Variants in HS6ST3 observed in about 807,000 individuals in gnomAD.
The protein encoded by HS6ST3 is heparan-sulfate 6-O-sulfotransferase 3.
A neutral mutation model predicts 36.7 loss-of-function variants in HS6ST3; 12 were observed. That is an observed-to-expected ratio of 0.33 (90% CI 0.21 to 0.53). HS6ST3 has a LOEUF of 0.53. Among genes scored for constraint, HS6ST3 ranks in the 20% least tolerant of loss-of-function variants. HS6ST3 has a pLI of 0.95. For missense variants in HS6ST3, 584 were observed against 640.9 expected (o/e 0.91, Z 0.96); for synonymous variants, 240 against 257.5 (o/e 0.93, Z 0.65).
At chr13:96,292,466 AG>A (rs2054834891) in intron 1 of HS6ST3, among the ~76,000 whole-genome samples, 1 of 152,126 alleles carries the variant, frequency 6.6e-6, no homozygotes, top group Non-Finnish European at 1.5e-5. Flanking sequence ...TTAAATTAAA[AG>A]TACTTTATTA....
intron 1 of HS6ST3, among the ~76,000 whole-genome samples, chr13:96,488,100 C>T (rs1227543297): frequency 1.3e-5 from 2 of 152,106 alleles, no homozygotes; most frequent in South Asian, 2.1e-4. Context: ...TATTGTTAAC[C>T]TGTGCCTTAG....
At chr13:96,357,215 AC>A (rs757952663) in intron 1 of HS6ST3, among the ~76,000 whole-genome samples, 19 of 152,128 alleles carry the variant, frequency 1.2e-4, no homozygotes, top group Non-Finnish European at 1.9e-4. Flanking sequence ...AAACTGTTTC[AC>A]CTTTTTGTCA....
At chr13:96,442,701 GAGA>G (rs2055678684) in intron 1 of HS6ST3, among the ~76,000 whole-genome samples, 1 of 150,844 alleles carries the variant, frequency 6.6e-6, no homozygotes, top group Non-Finnish European at 1.5e-5. Flanking sequence ...CCAGATGGGA[GAGA>G]AGAAGAGAAG....
intron 1 of HS6ST3, among the ~76,000 whole-genome samples, chr13:96,330,961 C>T (rs2055062933): frequency 6.6e-6 from 1 of 151,930 alleles, no homozygotes; most frequent in African/African-American, 2.4e-5. Flanking sequence ...ACCCTTTCTT[C>T]CAGTTGATCG....
chr13:96,763,795 C>G (rs535085301), intron 1 of HS6ST3, among the ~76,000 whole-genome samples: 1 of 151,890 alleles, frequency 6.6e-6, no homozygotes, highest in African/African-American at 2.4e-5. Context: ...TATAATAAGT[C>G]CTATATGAAA....
At chr13:96,431,286 A>C (rs1408232525) in intron 1 of HS6ST3, among the ~76,000 whole-genome samples, 2 of 152,056 alleles carry the variant, frequency 1.3e-5, no homozygotes, top group African/African-American at 2.4e-5. Flanking sequence ...CAAACAGAAA[A>C]AGGAAATTAA....
intron 1 of HS6ST3, among the ~76,000 whole-genome samples, chr13:96,124,024 GT>G (rs1364323472): frequency 1.3e-5 from 2 of 152,180 alleles, no homozygotes; most frequent in Non-Finnish European, 2.9e-5. Flanking sequence ...TGCATGGGCA[GT>G]TTAGGAGGTT....
chr13:96,705,420 T>C (rs760161425), intron 1 of HS6ST3, among the ~76,000 whole-genome samples: 2 of 152,184 alleles, frequency 1.3e-5, no homozygotes, highest in Non-Finnish European at 2.9e-5. Context: ...CTCCAGGTGA[T>C]AATATTCATG....
chr13:96,745,456 T>C (rs1399071270), intron 1 of HS6ST3, among the ~76,000 whole-genome samples: 1 of 152,006 alleles, frequency 6.6e-6, no homozygotes, highest in Non-Finnish European at 1.5e-5. Flanking sequence ...CAAATACAAT[T>C]CCATGTCCGT....
At chr13:96,437,231 C>T (rs1218853120) in intron 1 of HS6ST3, among the ~76,000 whole-genome samples, 1 of 152,234 alleles carries the variant, frequency 6.6e-6, no homozygotes, top group Non-Finnish European at 1.5e-5. Context: ...CATTCTCCAG[C>T]ATGACCTTGT....
chr13:96,331,203 C>T (rs1428179993), intron 1 of HS6ST3, among the ~76,000 whole-genome samples: 1 of 152,240 alleles, frequency 6.6e-6, no homozygotes, highest in Non-Finnish European at 1.5e-5. Context: ...CTCCCTCCAG[C>T]TTTGTTCCGT....
intron 1 of HS6ST3, among the ~76,000 whole-genome samples, chr13:96,358,879 TC>T (rs1692243942): frequency 4.0e-5 from 6 of 150,760 alleles, no homozygotes; most frequent in South Asian, 2.2e-4. Flanking sequence ...AATCTATCTA[TC>T]TATCTATCTA....
intron 1 of HS6ST3, among the ~76,000 whole-genome samples, chr13:96,491,472 C>CA (rs10632047): frequency 0.66 from 82,102 of 123,622 alleles, 27,666 homozygotes; most frequent in Admixed American, 0.78. Context: ...TACTAATGTG[C>CA]AAAAAAAAAA....
At chr13:96,765,293 C>T (rs1347351938) in intron 1 of HS6ST3, among the ~76,000 whole-genome samples, 3 of 151,974 alleles carry the variant, frequency 2.0e-5, no homozygotes, top group Non-Finnish European at 2.9e-5. Context: ...AGGGTGGTCT[C>T]GATCTCCTGA....
rs146357088 is a variant in HS6ST3 at position 96,112,101 on chromosome 13, C to T, written c.707+20532C>T. Among the ~76,000 whole-genome samples, 83 of 152,154 alleles carry T rather than the reference C, an allele frequency of 5.5e-4. No homozygotes were observed. The East Asian group carries it at 6.4e-3, about 12-fold the overall frequency. On this transcript the variant is annotated intron_variant, in intron 1 of 1. Coordinates refer to ENST00000376705, the MANE Select transcript of HS6ST3 (RefSeq NM_153456.4). ...CTCTGGATGCATAGCTCGAAGTATA[C>T]ATAAATAGGACAGAAAGCCCCAGAA...
At chr13:96,817,391 A>G (rs1017414796) in intron 1 of HS6ST3, among the ~76,000 whole-genome samples, 1 of 152,188 alleles carries the variant, frequency 6.6e-6, no homozygotes, top group Non-Finnish European at 1.5e-5. Flanking sequence ...GAATTTTTAT[A>G]TGAAATTCTC....
intron 1 of HS6ST3, among the ~76,000 whole-genome samples, chr13:96,664,838 G>A (rs2056658224): frequency 1.3e-5 from 2 of 151,974 alleles, no homozygotes; most frequent in Admixed American, 1.3e-4. Flanking sequence ...TCTTAAATTT[G>A]TCTATTTCTT....
chr13:96,348,081 G>C (rs2055164417), intron 1 of HS6ST3, among the ~76,000 whole-genome samples: 1 of 152,200 alleles, frequency 6.6e-6, no homozygotes, highest in Admixed American at 6.5e-5. Context: ...TGCAATCAGA[G>C]AGTTCTTACC....
chr13:96,737,631 C>CA (rs5805990), intron 1 of HS6ST3, among the ~76,000 whole-genome samples: 1,363 of 65,676 alleles, frequency 0.021, 98 homozygotes, highest in African/African-American at 0.024. Context: ...GACTCCGTCT[C>CA]AAAAAAAAAA....
Sources: allele counts gnomAD v4.1 joint callset (sites outside exome capture counted in the v4.1 genomes callset), GRCh38; gene constraint gnomAD v4.1.1; transcripts MANE v1.5; gene names NCBI Gene and HGNC (gene_info 2026-07-23, HGNC 2026-07-21).